The following RXFP1 variants were observed in gnomAD, a reference collection of about 807,000 sequenced individuals.
RXFP1 encodes relaxin receptor 1.
A neutral mutation model predicts 89.8 loss-of-function variants in RXFP1; 73 were observed. That is an observed-to-expected ratio of 0.81 (90% CI 0.67 to 0.99). The LOEUF is 0.99. Ranked by LOEUF, RXFP1 falls within the 50% of genes least tolerant of loss-of-function variation. The pLI is 0.00. For missense variants in RXFP1, 793 were observed against 895.5 expected (o/e 0.89, Z 1.46); for synonymous variants, 277 against 305.5 (o/e 0.91, Z 0.97).
chr4:158,528,309 G>T (rs915586598), intron 1 of RXFP1, among the ~76,000 whole-genome samples: 6 of 151,932 alleles, frequency 3.9e-5, no homozygotes, highest in South Asian at 4.2e-4. Flanking sequence ...AGACCAGCCT[G>T]GGGGGGCAAC....
chr4:158,636,801 C>T (rs1474946101), intron 12 of RXFP1, among the ~76,000 whole-genome samples: 1 of 152,184 alleles, frequency 6.6e-6, no homozygotes, highest in East Asian at 1.9e-4. Flanking sequence ...GAATACAATA[C>T]ATTGTTATTT....
chr4:158,592,356 C>T (rs1042419431), intron 2 of RXFP1, among the ~76,000 whole-genome samples: 1 of 151,900 alleles, frequency 6.6e-6, no homozygotes, highest in Admixed American at 6.6e-5. Context: ...GGTGGATCAC[C>T]TGAGGTCAGG....
At chr4:158,637,317 A>G (rs772143293) in intron 12 of RXFP1, among the ~76,000 whole-genome samples, 4 of 152,188 alleles carry the variant, frequency 2.6e-5, no homozygotes, top group Non-Finnish European at 5.9e-5. Flanking sequence ...AGGAAGCCCC[A>G]TACTATTTTC....
chr4:158,585,922 T>G (rs1405162429), intron 2 of RXFP1, among the ~76,000 whole-genome samples: 8 of 152,210 alleles, frequency 5.3e-5, no homozygotes, highest in Admixed American at 5.2e-4. Context: ...CAACTTTGCT[T>G]AAAAGCAATA....
At chr4:158,561,736 T>C (rs1223860747) in intron 1 of RXFP1, among the ~76,000 whole-genome samples, 2 of 151,464 alleles carry the variant, frequency 1.3e-5, no homozygotes, top group Non-Finnish European at 2.9e-5. Flanking sequence ...CAAGTGATTC[T>C]TGTGCATCAG....
intron 1 of RXFP1, among the ~76,000 whole-genome samples, chr4:158,522,700 T>G (rs1422381672): frequency 1.3e-5 from 2 of 152,236 alleles, no homozygotes; most frequent in Non-Finnish European, 2.9e-5. Context: ...TCCATTTGAA[T>G]TATAGTATGT....
chr4:158,631,997 G>A (rs952499131), intron 11 of RXFP1, among the ~76,000 whole-genome samples: 1 of 152,150 alleles, frequency 6.6e-6, no homozygotes, highest in Non-Finnish European at 1.5e-5. Flanking sequence ...GGAGGCTGAG[G>A]CGGGAGCATG....
intron 14 of RXFP1, among the ~76,000 whole-genome samples, chr4:158,642,363 C>T (rs991880026): frequency 6.6e-6 from 1 of 152,116 alleles, no homozygotes; most frequent in Non-Finnish European, 1.5e-5. Flanking sequence ...CTATAGACAT[C>T]CTACCATGGT....
At chr4:158,582,819 G>A (rs1757633774) in intron 2 of RXFP1, among the ~76,000 whole-genome samples, 1 of 152,174 alleles carries the variant, frequency 6.6e-6, no homozygotes. Flanking sequence ...AGCCCAAGGA[G>A]GAGGGAAGGA....
Position 158,566,116 on chromosome 4 carries a change from G to A in RXFP1, c.50-6582G>A, listed in dbSNP as rs960321315. 2.0e-5 allele frequency among the ~76,000 whole-genome samples: 3 copies of A among 152,320 alleles called. No individual in the cohort carries two copies. In the East Asian group the frequency reaches 5.8e-4, roughly 29 times the overall value. ...ATCCTTTTACTACAAAGGACATTTT[G>A]CAGGGGCAATATATAAACTTTAATG... On this transcript the variant is annotated intron_variant, in intron 1 of 17. Coordinates refer to ENST00000307765, the MANE Select transcript of RXFP1 (RefSeq NM_021634.4).
intron 1 of RXFP1, among the ~76,000 whole-genome samples, chr4:158,540,775 C>T (rs1336946259): frequency 6.6e-6 from 1 of 152,086 alleles, no homozygotes; most frequent in Non-Finnish European, 1.5e-5. Context: ...AGCAGCCACA[C>T]CTTAGCCTGT....
In RXFP1 at chr4:158,612,192, T is replaced by G; in HGVS notation, c.599T>G (p.Leu200Arg). ...GGTGTTTTTGAAGATCTTCACAGAC[T>G]AGAATGGCTGTATGTTTAATTTATG... Reference protein sequence around the residue: ...KPGVFEDLHRLEWLIIEDNHL... With the variant: ...KPGVFEDLHRREWLIIEDNHL... Residue 200 changes from leucine to arginine, a missense_variant, in exon 7 of 18, where the codon CTA (leucine) becomes CGA (arginine). Transcript: ENST00000307765. The G allele has an allele frequency of 1.9e-6, 3 of 1,611,656 alleles. No homozygotes were observed. The highest frequency in any genetic ancestry group is 2.5e-6 in the Non-Finnish European group (3 of 1,178,844).
chr4:158,644,897 T>A lies in RXFP1; in HGVS notation c.1116-12T>A. The A allele has an allele frequency of 6.3e-7, 1 of 1,577,578 alleles. No homozygotes were observed. The highest frequency in any genetic ancestry group is 8.7e-7 in the Non-Finnish European group (1 of 1,148,280). ...ATGGAAAATCTTATTTTACTTTCTC[T>A]TTGTACACCAGATATTTTAAGAAAT... On this transcript the variant is annotated splice_polypyrimidine_tract_variant and intron_variant, in intron 14 of 17. Coordinates refer to ENST00000307765, the MANE Select transcript of RXFP1 (RefSeq NM_021634.4).
In RXFP1 at chr4:158,521,984, C is replaced by G; in HGVS notation, c.8C>G (p.Ser3Cys). 6.2e-7 allele frequency: 1 copy of G among 1,608,774 alleles called. No individual in the cohort carries two copies. Among genetic ancestry groups the G allele is most frequent in the Non-Finnish European group, 8.5e-7 (1 of 1,176,548 alleles). MT[S>C]GSVFFYILIF... Reference sequence around the variant, plus strand: ...TTGCTCAGATAGAAGGAAATGACATCTGGTTCTGTCTTCTTCTACATCTTA... The same window carrying G: ...TTGCTCAGATAGAAGGAAATGACATGTGGTTCTGTCTTCTTCTACATCTTA... Residue 3 changes from serine (S) to cysteine (C), a missense_variant, in exon 1 of 18, where the codon TCT (serine) becomes TGT (cysteine). Ser to Cys is a moderately radical substitution (Grantham distance 112). Transcript: ENST00000307765.
chr4:158,649,509 G>C (rs867273725), intron 17 of RXFP1, among the ~76,000 whole-genome samples: 2 of 152,176 alleles, frequency 1.3e-5, no homozygotes, highest in Middle Eastern at 3.4e-3. Context: ...ACTTTGGGAG[G>C]CCAATGTGGG....
chr4:158,566,498 G>A (rs1252858763), intron 1 of RXFP1, among the ~76,000 whole-genome samples: 1 of 152,012 alleles, frequency 6.6e-6, no homozygotes, highest in Non-Finnish European at 1.5e-5. Context: ...CGAGTAGCTG[G>A]GATTACAGGC....
chr4:158,539,553 GT>G (rs962639508), intron 1 of RXFP1, among the ~76,000 whole-genome samples: 79 of 152,098 alleles, frequency 5.2e-4, no homozygotes, highest in African/African-American at 1.9e-3. Flanking sequence ...AAGATGAAGA[GT>G]ATTAACTAGT....
rs56692438 is a variant in RXFP1, at chr4:158,623,502, C to CAAAAAAAAAAA, written c.756-3304_756-3294dup. 8.4e-4 allele frequency among the ~76,000 whole-genome samples: 36 copies of CAAAAAAAAAAA among 42,622 alleles called. 1 individual carries two copies. The highest frequency in any genetic ancestry group is 1.3e-3 in the African/African-American group (19 of 14,378). 28.0% of individuals were successfully genotyped at this position (42,622 alleles called of 152,430 possible). A position where few individuals can be genotyped will look rare whatever the true frequency, so the allele number is the denominator to read the frequency against. ...GGGCAACAAGAGTGAAACTCCATCT[C>CAAAAAAAAAAA]AAAAAAAAAAAAAAAAAAAAAAAAG... On this transcript the variant is annotated intron_variant, in intron 9 of 17. Coordinates refer to ENST00000307765, the MANE Select transcript of RXFP1 (RefSeq NM_021634.4).
intron 10 of RXFP1, 93 bp from the exon 11 acceptor site, chr4:158,628,545 T>G (rs1319975263): frequency 3.5e-6 from 2 of 565,724 alleles, no homozygotes; most frequent in African/African-American, 3.8e-5. Context: ...TACTGTATAT[T>G]CATTATCTTT....
Sources: gnomAD v4.1 joint callset for allele counts (sites outside exome capture counted in the v4.1 genomes callset) on GRCh38, gnomAD v4.1.1 for gene constraint, MANE v1.5 for transcripts, NCBI Gene and HGNC (gene_info 2026-07-23, HGNC 2026-07-21) for gene names.